Variants in IL15 observed in about 807,000 individuals in gnomAD.
IL15 encodes the protein interleukin 15.
Under a neutral mutation model 19.6 loss-of-function variants are expected in IL15, and 11 were observed. The observed-to-expected ratio is 0.56, with a 90% CI of 0.35 to 0.93. IL15 has a LOEUF of 0.93. Ranked by LOEUF, IL15 falls within the 40% of genes least tolerant of loss-of-function variation. The pLI, the probability that IL15 is intolerant of heterozygous loss-of-function variation, is 0.01. For synonymous variants in IL15, 58 were observed against 59.6 expected (o/e 0.97, Z 0.12); for missense variants, 197 against 186.5 (o/e 1.06, Z -0.33).
chr4:141,662,281 C>T (rs1727817691), intron 2 of IL15, among the ~76,000 whole-genome samples: 1 of 152,174 alleles, frequency 6.6e-6, no homozygotes, highest in East Asian at 1.9e-4. Flanking sequence ...ATTCTATCAG[C>T]TTTTGAAAGA....
At chr4:141,637,900 A>G (rs1726911192) in intron 1 of IL15, among the ~76,000 whole-genome samples, 1 of 152,210 alleles carries the variant, frequency 6.6e-6, no homozygotes, top group Non-Finnish European at 1.5e-5. Flanking sequence ...GTATTACAGA[A>G]TAAACTGGTG....
At chr4:141,657,010 T>C (rs1196815246) in intron 2 of IL15, among the ~76,000 whole-genome samples, 1 of 152,180 alleles carries the variant, frequency 6.6e-6, no homozygotes, top group Non-Finnish European at 1.5e-5. Context: ...TGTTACACAA[T>C]TCTGTTGTGG....
At position 141,731,964 on chromosome 4, in the gene IL15, A is replaced by G. The variant is rs376985955; in HGVS notation, c.379-774A>G. 1.9e-3 allele frequency among the ~76,000 whole-genome samples: 287 copies of G among 152,314 alleles called. 1 individual carries two copies. The highest frequency in any genetic ancestry group is 6.7e-3 in the African/African-American group (277 of 41,572). ...GTATTCACCTAAATGGCTCAGTTCA[A>G]CCAATGGGTGATTACAGTGTGTCAG... On this transcript the variant is annotated intron_variant, in intron 7 of 7. Coordinates refer to ENST00000320650, the MANE Select transcript of IL15 (RefSeq NM_000585.5).
intron 2 of IL15, among the ~76,000 whole-genome samples, chr4:141,697,753 T>G (rs998047076): frequency 6.6e-6 from 1 of 152,086 alleles, no homozygotes; most frequent in African/African-American, 2.4e-5. Context: ...TCCTTTATTT[T>G]TTTTTCAGCT....
In IL15 at chr4:141,719,393, G is replaced by T. The variant is rs1729997036; in HGVS notation, c.-72G>T. Reference sequence around the variant, plus strand: ...TGTATTGTAGGAGGCATTGTGGATGGATGGCTGCTGGAAACCCCTTGCCAT... The same window carrying T: ...TGTATTGTAGGAGGCATTGTGGATGTATGGCTGCTGGAAACCCCTTGCCAT... On this transcript the variant is annotated 5_prime_UTR_variant, in exon 3 of 8. Transcript: ENST00000320650. 1.4e-6 allele frequency: 1 copy of T among 739,050 alleles called. No individual in the cohort carries two copies. Among genetic ancestry groups the T allele is most frequent in the East Asian group, 2.6e-5 (1 of 39,062 alleles). The allele number at this position is 739,050 out of a possible 1,614,324, so 45.8% of individuals were successfully genotyped here. A position where few individuals can be genotyped will look rare whatever the true frequency, so the allele number is the denominator to read the frequency against.
At chr4:141,711,035 G>A (rs1355695115) in intron 2 of IL15, among the ~76,000 whole-genome samples, 3 of 152,140 alleles carry the variant, frequency 2.0e-5, no homozygotes, top group Middle Eastern at 3.4e-3. Context: ...TGAAAAGGAG[G>A]ATGAGATAAT....
At chr4:141,674,917 C>T (rs1045059509) in intron 2 of IL15, among the ~76,000 whole-genome samples, 3 of 150,676 alleles carry the variant, frequency 2.0e-5, no homozygotes, top group African/African-American at 7.2e-5. Context: ...GAAGGCCAAG[C>T]AGGCTGGACT....
chr4:141,707,146 C>A (rs913494693), intron 2 of IL15, among the ~76,000 whole-genome samples: 1 of 152,026 alleles, frequency 6.6e-6, no homozygotes, highest in Non-Finnish European at 1.5e-5. Flanking sequence ...TTTCAAACGC[C>A]TGTTTTCTAG....
chr4:141,705,618 A>C (rs1290654254), intron 2 of IL15, among the ~76,000 whole-genome samples: 1 of 151,856 alleles, frequency 6.6e-6, no homozygotes, highest in African/African-American at 2.4e-5. Flanking sequence ...TTTAAGTCCA[A>C]TGTTTCTTTG....
chr4:141,647,221 T>C (rs1727254908), intron 1 of IL15, among the ~76,000 whole-genome samples: 3 of 152,072 alleles, frequency 2.0e-5, no homozygotes, highest in African/African-American at 7.2e-5. Context: ...AGTCAGAGAA[T>C]GCCGAAGATT....
At chr4:141,697,577 T>C (rs962932671) in intron 2 of IL15, among the ~76,000 whole-genome samples, 1 of 152,046 alleles carries the variant, frequency 6.6e-6, no homozygotes, top group Non-Finnish European at 1.5e-5. Context: ...GGGAATTGCA[T>C]TGAATGACCA....
intron 1 of IL15, among the ~76,000 whole-genome samples, chr4:141,640,209 G>C (rs1225175929): frequency 6.6e-6 from 1 of 152,030 alleles, no homozygotes; most frequent in Admixed American, 6.5e-5. Flanking sequence ...AAGTTTCAAA[G>C]AGGAAGCCTC....
At chr4:141,645,865 C>T (rs1727208890) in intron 1 of IL15, among the ~76,000 whole-genome samples, 1 of 152,028 alleles carries the variant, frequency 6.6e-6, no homozygotes, top group Admixed American at 6.6e-5. Context: ...TTAGTCTTTC[C>T]ACATGGCTAA....
chr4:141,682,117 G>C (rs143207259), intron 2 of IL15, among the ~76,000 whole-genome samples: 2 of 152,076 alleles, frequency 1.3e-5, no homozygotes, highest in African/African-American at 4.8e-5. Context: ...TTTTTGTAGC[G>C]TGCCTGTCTC....
chr4:141,642,293 C>T (rs1318960009), intron 1 of IL15, among the ~76,000 whole-genome samples: 5 of 152,230 alleles, frequency 3.3e-5, no homozygotes, highest in African/African-American at 1.2e-4. Flanking sequence ...GCTTTGGGCA[C>T]ACATCAGGCA....
chr4:141,728,916 T>C (rs910715369), intron 6 of IL15, among the ~76,000 whole-genome samples: 6 of 152,144 alleles, frequency 3.9e-5, no homozygotes, highest in Non-Finnish European at 7.4e-5. Flanking sequence ...TTGCAACCCA[T>C]GGGTTAGAGA....
Position 141,731,112 on chromosome 4 carries a change from C to T in IL15, c.378+1128C>T, listed in dbSNP as rs1730437104. On this transcript the variant is annotated intron_variant, in intron 7 of 7. Coordinates refer to ENST00000320650, the MANE Select transcript of IL15 (RefSeq NM_000585.5). ...GCAGAGACAACTGAAAGTGCAAAGGCCCTAAGCTTGTGTGGGTGGACACCT... is the reference window on the plus strand; with the variant it reads ...GCAGAGACAACTGAAAGTGCAAAGGTCCTAAGCTTGTGTGGGTGGACACCT... Among the ~76,000 whole-genome samples the T allele has an allele frequency of 2.0e-5, 3 of 152,040 alleles. No homozygotes were observed. In the South Asian group the frequency reaches 6.2e-4, roughly 32 times the overall value.
In IL15 at chr4:141,733,768, G is replaced by C. The variant is rs1448652191; in HGVS notation, c.*920G>C. 6.6e-6 allele frequency: 1 copy of C among 152,108 alleles called. No homozygotes were observed. The highest frequency in any genetic ancestry group is 1.5e-5 in the Non-Finnish European group (1 of 68,014). The allele number at this position is 152,108 out of a possible 1,614,324, so 9.4% of individuals were successfully genotyped here. A position where few individuals can be genotyped will look rare whatever the true frequency, so the allele number is the denominator to read the frequency against. On this transcript the variant is annotated 3_prime_UTR_variant, in exon 8 of 8. Coordinates refer to ENST00000320650, the MANE Select transcript of IL15 (RefSeq NM_000585.5). ...AATAGTGACAGTGTTCATATTTCAT[G>C]CTTTCCCAAATACAGGTATTTTATT...
chr4:141,672,540 T>C (rs1187625420), intron 2 of IL15, among the ~76,000 whole-genome samples: 4 of 152,306 alleles, frequency 2.6e-5, no homozygotes, highest in African/African-American at 9.6e-5. Context: ...GAAGTCTCAG[T>C]GAATTTATAA....
Sources: allele counts gnomAD v4.1 joint callset (sites outside exome capture counted in the v4.1 genomes callset), GRCh38; gene constraint gnomAD v4.1.1; transcripts MANE v1.5; gene names NCBI Gene and HGNC (gene_info 2026-07-23, HGNC 2026-07-21).